Variants in RANBP2 observed in about 807,000 individuals in gnomAD.
RANBP2 encodes E3 SUMO-protein ligase RanBP2.
In RANBP2, 57 loss-of-function variants were observed where a neutral mutation model predicts 303.6. The observed-to-expected ratio is 0.19, with a 90% CI of 0.15 to 0.23. RANBP2 has a LOEUF of 0.23. RANBP2 is among the 10% of genes least tolerant of loss of function. The pLI is 1.00. For missense variants in RANBP2, 3,138 were observed against 3,780.8 expected (o/e 0.83, Z 4.46); for synonymous variants, 1,167 against 1,301.5 (o/e 0.90, Z 2.23).
the RANBP2 span, among the ~76,000 whole-genome samples, chr2:109,470,393 A>G: frequency 5.9e-5 from 9 of 152,176 alleles, no homozygotes. Flanking sequence ...AAGTCCCTGG[A>G]AGCGCCTTGT....
At chr2:109,180,040 T>C in the RANBP2 span, among the ~76,000 whole-genome samples, 29 of 152,124 alleles carry the variant, frequency 1.9e-4, no homozygotes, top group Non-Finnish European at 3.7e-4. Context: ...TGGGATCTTA[T>C]TGTAAGGTTT....
chr2:109,161,179 T>G, the RANBP2 span, among the ~76,000 whole-genome samples: 2 of 152,264 alleles, frequency 1.3e-5, no homozygotes, highest in East Asian at 3.9e-4. Context: ...ACTGGTTCTT[T>G]CGGAACAATA....
At position 108,764,752 on chromosome 2, in the gene RANBP2, C is replaced by G. The variant is rs375021752; in HGVS notation, c.4213C>G (p.Gln1405Glu). 8.9e-5 allele frequency: 143 copies of G among 1,613,894 alleles called. No individual in the cohort carries two copies. The highest frequency in any genetic ancestry group is 4.9e-4 in the Middle Eastern group (3 of 6,084). Reference protein sequence around the residue: ...FTPKTSPENVQDRFALVTPKK... With the variant: ...FTPKTSPENVEDRFALVTPKK... The stretch of plus-strand genomic sequence containing the variant: ...TCCTAAAACCAGCCCAGAGAATGTT[C>G]AAGATCGATTTGCATTGGTGACTCC... The change falls in exon 20 of 29, where the codon CAA becomes GAA. Residue 1405 changes from glutamine to glutamate, a missense_variant. Coordinates refer to ENST00000283195, the MANE Select transcript of RANBP2 (RefSeq NM_006267.5).
chr2:108,741,631 G>A (rs1474587446), intron 7 of RANBP2, among the ~76,000 whole-genome samples: 3 of 143,812 alleles, frequency 2.1e-5, no homozygotes, highest in Non-Finnish European at 3.0e-5. Context: ...TCAGCCTCCC[G>A]AGTAGCTGGG....
At chr2:108,736,815 G>C (rs1207404477) in intron 6 of RANBP2, among the ~76,000 whole-genome samples, 1 of 152,084 alleles carries the variant, frequency 6.6e-6, no homozygotes, top group East Asian at 1.9e-4. Context: ...AAAGATGTTA[G>C]TTTAGAGCAG....
chr2:109,219,527 G>A, the RANBP2 span, among the ~76,000 whole-genome samples: 1 of 152,182 alleles, frequency 6.6e-6, no homozygotes, highest in East Asian at 1.9e-4. Context: ...TCTGTTTGCA[G>A]ATGATACGAT....
chr2:109,230,860 A>G, the RANBP2 span, among the ~76,000 whole-genome samples: 33 of 152,216 alleles, frequency 2.2e-4, no homozygotes, highest in Admixed American at 2.2e-3. Flanking sequence ...CTAGGAGTTC[A>G]CTGGCCAATA....
Position 108,758,405 on chromosome 2 carries a change from T to C in RANBP2, c.2467-8T>C, listed in dbSNP as rs1676482245. 6.2e-7 allele frequency: 1 copy of C among 1,611,722 alleles called. No individual in the cohort carries two copies. The highest frequency in any genetic ancestry group is 8.5e-7 in the Non-Finnish European group (1 of 1,179,838). ...TTAAAATTATTTGATTTTTTTTTCT[T>C]CCAATAGAAAGAAATGCAGGAGTTG... On this transcript the variant is annotated splice_polypyrimidine_tract_variant and splice_region_variant and intron_variant, in intron 17 of 28. Coordinates refer to ENST00000283195, the MANE Select transcript of RANBP2 (RefSeq NM_006267.5).
the RANBP2 span, chr2:109,667,316 C>T: frequency 5.0e-6 from 3 of 599,790 alleles, no homozygotes; most frequent in Non-Finnish European, 9.2e-6. Context: ...CAATTGACTG[C>T]CATTTAGAGA....
the RANBP2 span, among the ~76,000 whole-genome samples, chr2:109,248,609 G>A: frequency 6.6e-6 from 1 of 152,220 alleles, no homozygotes; most frequent in South Asian, 2.1e-4. Context: ...GACCAAACAT[G>A]TATATTAAAT....
chr2:109,019,236 GC>G, the RANBP2 span, among the ~76,000 whole-genome samples: 11 of 152,200 alleles, frequency 7.2e-5, no homozygotes, highest in African/African-American at 2.7e-4. Flanking sequence ...GGCTTGGTTT[GC>G]ATTAGATACC....
At chr2:109,110,504 C>T in the RANBP2 span, among the ~76,000 whole-genome samples, 13 of 152,202 alleles carry the variant, frequency 8.5e-5, no homozygotes, top group Admixed American at 6.5e-4. Flanking sequence ...TCAGTAACAT[C>T]ACCCATAAAA....
the RANBP2 span, among the ~76,000 whole-genome samples, chr2:109,234,670 C>G: frequency 6.6e-6 from 1 of 152,220 alleles, no homozygotes; most frequent in African/African-American, 2.4e-5. Flanking sequence ...TTGTTGATCT[C>G]ACAGGGGTGT....
At chr2:109,490,365 C>G in the RANBP2 span, among the ~76,000 whole-genome samples, 1 of 152,202 alleles carries the variant, frequency 6.6e-6, no homozygotes, top group African/African-American at 2.4e-5. Context: ...CCTGGTGTGC[C>G]TGCAAGCGTC....
chr2:109,018,406 T>C, the RANBP2 span, among the ~76,000 whole-genome samples: 16 of 152,308 alleles, frequency 1.1e-4, no homozygotes, highest in African/African-American at 3.6e-4. Flanking sequence ...TGGCCCCCAA[T>C]CTACACCCTA....
the RANBP2 span, among the ~76,000 whole-genome samples, chr2:109,152,587 G>A: frequency 6.6e-6 from 1 of 152,192 alleles, no homozygotes; most frequent in Admixed American, 6.5e-5. Context: ...TATTTACATT[G>A]TGTATTATCA....
At chr2:108,783,532 T>C (rs1678406598) in intron 28 of RANBP2, 64 bp from the exon 29 acceptor site, 1 of 1,244,556 alleles carries the variant, frequency 8.0e-7, no homozygotes, top group African/African-American at 1.5e-5. Flanking sequence ...TTTTAATATT[T>C]TACTCAGGAT....
the RANBP2 span, among the ~76,000 whole-genome samples, chr2:109,435,294 C>G: frequency 3.3e-5 from 5 of 152,212 alleles, no homozygotes; most frequent in Non-Finnish European, 5.9e-5. Flanking sequence ...TGGAAGACAC[C>G]TGTCCCCCTC....
In RANBP2 at chr2:108,764,034, T is replaced by A. The variant is rs762875776; in HGVS notation, c.3495T>A (p.Asp1165Glu). 3.7e-6 allele frequency: 6 copies of A among 1,613,970 alleles called. No individual in the cohort carries two copies. In the Admixed American group the frequency reaches 1.0e-4, roughly 27 times the overall value. The change falls in exon 20 of 29, where the codon GAT becomes GAA. Residue 1165 changes from aspartate (D) to glutamate (E), a missense_variant. Coordinates refer to ENST00000283195, the MANE Select transcript of RANBP2 (RefSeq NM_006267.5). ...ATGGAGGAAGTGCCCATGGGGATGA[T>A]GATGATGACGGTCCTCACTTTGAGC... ...ETDGGSAHGD[D>E]DDDGPHFEPV... is the part of the protein sequence containing the mutation.
Sources: gnomAD v4.1 joint callset for allele counts (sites outside exome capture counted in the v4.1 genomes callset) on GRCh38, gnomAD v4.1.1 for gene constraint, MANE v1.5 for transcripts, NCBI Gene and HGNC (gene_info 2026-07-23, HGNC 2026-07-21) for gene names.